The following MDH1 variants were observed in gnomAD, a reference collection of about 807,000 sequenced individuals.
MDH1 encodes the protein malate dehydrogenase 1, also known as malate dehydrogenase, cytoplasmic.
In MDH1, 15 loss-of-function variants were observed where a neutral mutation model predicts 38.7. The ratio of observed to expected loss-of-function variants is 0.39; its 90% CI spans 0.26 to 0.60. The LOEUF (loss-of-function observed/expected upper bound fraction) is 0.60. Among genes scored for constraint, MDH1 ranks in the 20% least tolerant of loss-of-function variants. MDH1 has a pLI of 0.56. For missense variants in MDH1, 368 were observed against 405.2 expected, an observed-to-expected ratio of 0.91 and a Z score of 0.79; for synonymous variants, 144 against 143.6, an observed-to-expected ratio of 1.00 and a Z score of -0.02.
chr2:63,597,506 A>G lies in MDH1; in HGVS notation c.307A>G (p.Lys103Glu). 1 of 1,517,144 alleles carries G rather than the reference A, an allele frequency of 6.6e-7. No homozygotes were observed. Among genetic ancestry groups the G allele is most frequent in the Non-Finnish European group, 8.9e-7 (1 of 1,124,604 alleles). 94.0% of individuals were successfully genotyped at this position (1,517,144 alleles called of 1,614,324 possible). A position where few individuals can be genotyped will look rare whatever the true frequency, so the allele number is the denominator to read the frequency against. Residue 103 changes from lysine (K) to glutamate (E), a missense_variant, in exon 4 of 9, where the codon AAA becomes GAA. Transcript: ENST00000233114. ...AGGCATGGAGAGAAAAGATTTACTG[A>G]AAGCAAATGTGAAAATCTTCAAATC... ...REGMERKDLL[K>E]ANVKIFKSQG...
Position 63,606,344 on chromosome 2 carries a change from C to A in MDH1, c.879+316C>A, listed in dbSNP as rs189036864. ...TGCAGTGAACCATGACAGTACCCCT[C>A]CACCAGGCAACAGAACGGGACCCTG... On this transcript the variant is annotated intron_variant, in intron 8 of 8. Transcript: ENST00000233114. 4.1e-3 allele frequency among the ~76,000 whole-genome samples: 622 copies of A among 152,264 alleles called. 21 individuals are homozygous for A. The highest frequency in any genetic ancestry group is 0.038 in the Admixed American group (581 of 15,294).
chr2:63,599,238 CA>C lies in MDH1; in HGVS notation c.446del (p.Lys149ArgfsTer7). The C allele has an allele frequency of 6.2e-7, 1 of 1,613,714 alleles. No homozygotes were observed. Among genetic ancestry groups the C allele is most frequent in the Admixed American group, 1.7e-5 (1 of 60,014 alleles). Reference sequence around the variant, plus strand: ...CTTCCAAGTCAGCTCCATCCATCCCCAAGGAGAACTTCAGTTGCTTGACTCG... The same window carrying C: ...CTTCCAAGTCAGCTCCATCCATCCCCAGGAGAACTTCAGTTGCTTGACTCG... ...TASKSAPSIP[K>X]ENFSCLTRLD... On this transcript the variant is annotated frameshift_variant, in exon 5 of 9. Transcript: ENST00000233114. LOFTEE classifies it high-confidence loss of function.
intron 5 of MDH1, among the ~76,000 whole-genome samples, chr2:63,602,934 CTTTTTTTTTTTTTTTTTT>C (rs370479356): frequency 2.5e-4 from 33 of 131,602 alleles, no homozygotes; most frequent in Middle Eastern, 4.0e-3. Context: ...TTTAACCGTT[CTTTTTTTTTTTTTTTTTT>C]TTTTTTTTTT....
chr2:63,597,424 C>A lies in MDH1; in HGVS notation c.225C>A (p.Asp75Glu). 6.9e-7 allele frequency: 1 copy of A among 1,445,302 alleles called. No homozygotes were observed. Among genetic ancestry groups the A allele is most frequent in the Non-Finnish European group, 9.2e-7 (1 of 1,087,838 alleles). The allele number at this position is 1,445,302 out of a possible 1,614,324, so 89.5% of individuals were successfully genotyped here. A position where few individuals can be genotyped will look rare whatever the true frequency, so the allele number is the denominator to read the frequency against. The change falls in exon 4 of 9, where the codon GAC becomes GAA. Residue 75 changes from aspartate (D) to glutamate (E), a missense_variant. Coordinates refer to ENST00000233114, the MANE Select transcript of MDH1 (RefSeq NM_005917.4). Reference protein sequence around the residue: ...LKDVIATDKEDVAFKDLDVAI... With the variant: ...LKDVIATDKEEVAFKDLDVAI... ...ATGTCATCGCAACAGATAAAGAAGA[C>A]GTTGCCTTCAAAGACCTGGATGTGG...
At chr2:63,605,009 A>G in intron 6 of MDH1, 137 bp downstream of exon 6, 1 of 816,616 alleles carries the variant, frequency 1.2e-6, no homozygotes, top group Non-Finnish European at 1.9e-6. Flanking sequence ...ATAGTAAGCC[A>G]GTCATGATCT....
At chr2:63,590,499 A>G (rs912608822) in intron 1 of MDH1, 2 of 152,248 alleles carry the variant, frequency 1.3e-5, no homozygotes, top group Non-Finnish European at 2.9e-5. Flanking sequence ...TGAAGTTACC[A>G]GTTCATACTG....
Position 63,599,226 on chromosome 2 carries a change from T to A in MDH1, c.432T>A (p.Ala144=), listed in dbSNP as rs1575723521. Reference sequence around the variant, plus strand: ...ACTGCCTGACTGCTTCCAAGTCAGCTCCATCCATCCCCAAGGAGAACTTCA... The same window carrying A: ...ACTGCCTGACTGCTTCCAAGTCAGCACCATCCATCCCCAAGGAGAACTTCA... The part of the protein sequence containing the change: ...NTNCLTASKS[A]PSIPKENFSC... Residue 144 remains alanine, a synonymous_variant, in exon 5 of 9, where the codon GCT becomes GCA. Transcript: ENST00000233114. The A allele has an allele frequency of 1.2e-6, 2 of 1,613,796 alleles. No homozygotes were observed. The highest frequency in any genetic ancestry group is 1.7e-6 in the Non-Finnish European group (2 of 1,179,756).
At chr2:63,594,133 G>C (rs1709256741) in intron 1 of MDH1, among the ~76,000 whole-genome samples, 1 of 152,128 alleles carries the variant, frequency 6.6e-6, no homozygotes, top group Non-Finnish European at 1.5e-5. Context: ...GATGGGAGTG[G>C]GGGCTTTGCA....
At chr2:63,592,199 G>A (rs900205929) in intron 1 of MDH1, among the ~76,000 whole-genome samples, 9 of 152,138 alleles carry the variant, frequency 5.9e-5, no homozygotes, top group Admixed American at 3.9e-4. Flanking sequence ...AATTAAATGA[G>A]AAAACAGTTC....
intron 1 of MDH1, chr2:63,593,592 G>A (rs1351505415): frequency 2.1e-6 from 1 of 471,572 alleles, no homozygotes; most frequent in Non-Finnish European, 4.4e-6. Flanking sequence ...AAACACTTCT[G>A]GGCTTAGTCA....
At chr2:63,594,897 G>C (rs888275693) in intron 2 of MDH1, 4 of 281,980 alleles carry the variant, frequency 1.4e-5, no homozygotes, top group Admixed American at 4.9e-5. Flanking sequence ...GAGTTACTCA[G>C]TAAGCACTCC....
Position 63,602,934 on chromosome 2 carries a change from C to CTTTTTTTTTTTTTTTTTTTTTTTTTTTT in MDH1, c.499-1746_499-1719dup. Among the ~76,000 whole-genome samples the CTTTTTTTTTTTTTTTTTTTTTTTTTTTT allele has an allele frequency of 2.3e-5, 3 of 131,538 alleles. 1 individual carries two copies. The highest frequency in any genetic ancestry group is 5.0e-5 in the Non-Finnish European group (3 of 59,612). The allele number at this position is 131,538 out of a possible 152,430, so 86.3% of individuals were successfully genotyped here. On this transcript the variant is annotated intron_variant, in intron 5 of 8. Coordinates refer to ENST00000233114, the MANE Select transcript of MDH1 (RefSeq NM_005917.4). ...ACATAATACAGTTTATTTAACCGTT[C>CTTTTTTTTTTTTTTTTTTTTTTTTTTTT]TTTTTTTTTTTTTTTTTTTTTTTTT...
In MDH1 at chr2:63,598,648, TTAAA is replaced by T. The variant is rs1393095454; in HGVS notation, c.376-519_376-516del. Among the ~76,000 whole-genome samples the T allele has an allele frequency of 2.0e-5, 3 of 152,310 alleles. No individual in the cohort carries two copies. In the South Asian group the frequency reaches 6.2e-4, roughly 32 times the overall value. The stretch of plus-strand genomic sequence containing the variant: ...TTTTTTGCTTTCTGTGCACTTCATT[TTAAA>T]TAGTTAACTTATTTTCTGTCATCAC... On this transcript the variant is annotated intron_variant, in intron 4 of 8. Transcript: ENST00000233114.
chr2:63,605,297 C>T lies in MDH1; in HGVS notation c.693C>T (p.Gly231=), dbSNP rs542095115. ...GEFVTTVQQR[G]AAVIKARKLS... ...CTTCCCAGACTGTGCAGCAGCGTGG[C>T]GCTGCTGTCATCAAGGCTCGAAAAC... is the stretch of plus-strand genomic sequence containing the variant. The change falls in exon 7 of 9, where the codon GGC becomes GGT. Residue 231 remains glycine (G), a synonymous_variant. Transcript: ENST00000233114. 19 of 1,613,418 alleles carry T rather than the reference C, an allele frequency of 1.2e-5. No individual in the cohort carries two copies. Among genetic ancestry groups the T allele is most frequent in the African/African-American group, 4.0e-5 (3 of 75,016 alleles).
intron 7 of MDH1, 23 bp from the exon 8 acceptor site, chr2:63,605,916 A>G: frequency 6.3e-7 from 1 of 1,579,930 alleles, no homozygotes; most frequent in Middle Eastern, 1.7e-4. Flanking sequence ...CATCATGAGT[A>G]TGTGAAACAT....
At chr2:63,597,672 T>C (rs1709343552) in intron 4 of MDH1, 98 bp downstream of exon 4, 1 of 1,109,354 alleles carries the variant, frequency 9.0e-7, no homozygotes, top group Non-Finnish European at 1.2e-6. Flanking sequence ...CCCTTTTTTC[T>C]AGTTCTGTAC....
rs1240531049 is a variant in MDH1 at position 63,605,454 on chromosome 2, TATA to T, written c.789+63_789+65del. ...TTATTTTTGTTGCCTGATGATATAA[TATA>T]AAAAGAATATAGCCTTAGCAGTCAG... On this transcript the variant is annotated intron_variant, in intron 7 of 8. Transcript: ENST00000233114. The T allele has an allele frequency of 5.8e-6, 7 of 1,201,762 alleles. No homozygotes were observed. The Admixed American group carries it at 8.8e-5, about 15-fold the overall frequency. The allele number at this position is 1,201,762 out of a possible 1,614,324, so 74.4% of individuals were successfully genotyped here.
intron 5 of MDH1, chr2:63,599,939 G>GTT (rs962689731): frequency 2.0e-5 from 3 of 152,234 alleles, no homozygotes; most frequent in Non-Finnish European, 2.9e-5. Flanking sequence ...ATCTGAGCTA[G>GTT]TTTCCTAGGC....
At chr2:63,601,226 A>G (rs1392603813) in intron 5 of MDH1, among the ~76,000 whole-genome samples, 1 of 152,214 alleles carries the variant, frequency 6.6e-6, no homozygotes, top group Non-Finnish European at 1.5e-5. Context: ...TTCTTCCTCT[A>G]GAAGAAGTTG....
Sources: allele counts gnomAD v4.1 joint callset (sites outside exome capture counted in the v4.1 genomes callset), GRCh38; gene constraint gnomAD v4.1.1; transcripts MANE v1.5; gene names NCBI Gene and HGNC (gene_info 2026-07-23, HGNC 2026-07-21).